RIMS3: variants seen among roughly 807,000 people sequenced by gnomAD.
RIMS3 encodes the protein regulating synaptic membrane exocytosis 3, also known as regulating synaptic membrane exocytosis protein 3.
RIMS3 carries 15 observed loss-of-function variants against 29.2 expected under a neutral mutation model. The ratio of observed to expected loss-of-function variants is 0.51; its 90% CI spans 0.34 to 0.79. RIMS3 has a LOEUF of 0.79. Ranked by LOEUF, RIMS3 falls within the 30% of genes least tolerant of loss-of-function variation. RIMS3 has a pLI of 0.01. For synonymous variants in RIMS3, 161 were observed against 170.1 expected (o/e 0.95, Z 0.41); for missense variants, 342 against 421.4 (o/e 0.81, Z 1.65).
chr1:40,687,366 C>T, the RIMS3 span, among the ~76,000 whole-genome samples: 1 of 152,150 alleles, frequency 6.6e-6, no homozygotes, highest in South Asian at 2.1e-4. Context: ...CTTTGGGAGG[C>T]CAAGGCAGGT....
intron 1 of RIMS3, among the ~76,000 whole-genome samples, chr1:40,650,511 C>CATGCCTCTTGCCCCT (rs1376252592): frequency 4.6e-5 from 7 of 152,176 alleles, no homozygotes; most frequent in Non-Finnish European, 8.8e-5. Context: ...CAGCCCGTCC[C>CATGCCTCTTGCCCCT]ATGCCTCTTG....
the RIMS3 span, among the ~76,000 whole-genome samples, chr1:40,680,330 G>T: frequency 4.7e-5 from 6 of 127,158 alleles, no homozygotes; most frequent in African/African-American, 1.5e-4. Flanking sequence ...AGAGTAAATA[G>T]TTTTTTTTTT....
At chr1:40,641,440 T>C (rs1358822123) in intron 3 of RIMS3, among the ~76,000 whole-genome samples, 1 of 152,222 alleles carries the variant, frequency 6.6e-6, no homozygotes, top group African/African-American at 2.4e-5. Flanking sequence ...CTGCTAGAGT[T>C]TGAATCCAGG....
intron 2 of RIMS3, among the ~76,000 whole-genome samples, chr1:40,646,284 A>C (rs1198002686): frequency 2.0e-5 from 3 of 152,098 alleles, no homozygotes; most frequent in African/African-American, 7.2e-5. Flanking sequence ...AGGGAACCTA[A>C]AAGGAGGGCC....
the RIMS3 span, chr1:40,691,738 C>T: frequency 5.1e-5 from 23 of 455,428 alleles, no homozygotes; most frequent in African/African-American, 4.4e-4. Flanking sequence ...CTTGTGCCCC[C>T]GCTTCGCGCG....
chr1:40,670,948 G>T, the RIMS3 span, among the ~76,000 whole-genome samples: 1 of 152,078 alleles, frequency 6.6e-6, no homozygotes, highest in Non-Finnish European at 1.5e-5. Context: ...AGTTAAAGGA[G>T]AAAGTAGCAT....
At chr1:40,682,902 A>C in the RIMS3 span, among the ~76,000 whole-genome samples, 21 of 151,146 alleles carry the variant, frequency 1.4e-4, no homozygotes, top group Admixed American at 2.6e-4. Flanking sequence ...CATCACACCC[A>C]GCTAATTTTT....
At chr1:40,629,399 G>C in intron 5 of RIMS3, 27 bp from the exon 6 acceptor site, 1 of 1,593,982 alleles carries the variant, frequency 6.3e-7, no homozygotes, top group Non-Finnish European at 8.6e-7. Context: ...GGTGAGTCCA[G>C]GCAGGGCCAG....
the RIMS3 span, among the ~76,000 whole-genome samples, chr1:40,673,978 A>C: frequency 6.6e-6 from 1 of 152,228 alleles, no homozygotes; most frequent in Admixed American, 6.5e-5. Context: ...CAGATACATG[A>C]TATAATAAAG....
chr1:40,667,593 G>C (rs593634), upstream of RIMS3, among the ~76,000 whole-genome samples: 19,149 of 152,176 alleles, frequency 0.13, 1,414 homozygotes, highest in African/African-American at 0.19. Context: ...AGAAGGACTG[G>C]ATGGGAGGTG....
chr1:40,679,509 T>C, the RIMS3 span, among the ~76,000 whole-genome samples: 15 of 152,366 alleles, frequency 9.8e-5, 2 homozygotes, highest in African/African-American at 3.4e-4. Context: ...TATTGGACAT[T>C]AGTTGAAACA....
At chr1:40,644,953 C>T (rs1646585015) in intron 2 of RIMS3, among the ~76,000 whole-genome samples, 2 of 152,220 alleles carry the variant, frequency 1.3e-5, no homozygotes. Context: ...TAAAGGAAGA[C>T]AGTCCCCAGA....
chr1:40,670,879 A>G, the RIMS3 span, among the ~76,000 whole-genome samples: 2 of 152,014 alleles, frequency 1.3e-5, no homozygotes, highest in East Asian at 3.9e-4. Context: ...CGCCTGGCCA[A>G]TAACTTAATA....
At chr1:40,628,032 A>G (rs1646465992) in intron 7 of RIMS3, among the ~76,000 whole-genome samples, 1 of 152,166 alleles carries the variant, frequency 6.6e-6, no homozygotes, top group Non-Finnish European at 1.5e-5. Context: ...TCTCACCTCC[A>G]TGGCCTCAGG....
intron 1 of RIMS3, among the ~76,000 whole-genome samples, chr1:40,655,387 T>C (rs572639659): frequency 4.6e-4 from 70 of 152,102 alleles, no homozygotes; most frequent in Non-Finnish European, 6.6e-4. Flanking sequence ...GCCTCAGAGA[T>C]GAGGGGGCAT....
Position 40,654,103 on chromosome 1 carries a change from C to T in RIMS3, c.-206-6261G>A, listed in dbSNP as rs61280821. 0.29 allele frequency among the ~76,000 whole-genome samples: 43,261 copies of T among 150,962 alleles called. 6,377 individuals are homozygous for T. The highest frequency in any genetic ancestry group is 0.3 in the Non-Finnish European group (20,516 of 67,650). ...GTACCACGGACAGCGGCTGGCGACT[C>T]GCTCCCAGTCCCTCCCCCGCCTGCC... On this transcript the variant is annotated intron_variant, in intron 1 of 7. Coordinates refer to ENST00000372684, the MANE Select transcript of RIMS3 (RefSeq NM_014747.3). This position sits in a 1 kb window ranked among gnomAD's most constrained non-coding sequence, Gnocchi z 5.3.
intron 4 of RIMS3, 32 bp from the exon 5 acceptor site, chr1:40,633,213 G>C: frequency 6.4e-7 from 1 of 1,556,484 alleles, no homozygotes; most frequent in South Asian, 1.1e-5. Context: ...CGCGTGAGGG[G>C]GTCAGGGCAA....
chr1:40,635,854 G>A lies in RIMS3; in HGVS notation c.359+62C>T. 7.5e-6 allele frequency: 12 copies of A among 1,591,304 alleles called. No homozygotes were observed. Among genetic ancestry groups the A allele is most frequent in the Non-Finnish European group, 1.0e-5 (12 of 1,166,646 alleles). On this transcript the variant is annotated intron_variant, in intron 4 of 7. Transcript: ENST00000372684. This position sits in a 1 kb window ranked among gnomAD's most constrained non-coding sequence, Gnocchi z 4.1. ...CAGGGAGGCTTTCCCACCCTGCCCA[G>A]TGGCTCTGTGACTGGAGGACCGAGG... is the stretch of plus-strand genomic sequence containing the variant.
At chr1:40,660,671 G>A (rs1164303155) in intron 1 of RIMS3, among the ~76,000 whole-genome samples, 1 of 151,944 alleles carries the variant, frequency 6.6e-6, no homozygotes, top group East Asian at 1.9e-4. Flanking sequence ...CTTTGAGGAG[G>A]TGTGAGCCAC....
Sources: allele counts gnomAD v4.1 joint callset (sites outside exome capture counted in the v4.1 genomes callset), GRCh38; gene constraint gnomAD v4.1.1; non-coding constraint Gnocchi (gnomAD v3.1); transcripts MANE v1.5; gene names NCBI Gene and HGNC (gene_info 2026-07-23, HGNC 2026-07-21).